Variants in CDH7 observed in about 807,000 individuals in gnomAD.
The protein encoded by CDH7 is cadherin 7, also known as cadherin-7.
In CDH7, 25 loss-of-function variants were observed where a neutral mutation model predicts 71.8. The observed-to-expected ratio is 0.35, with a 90% CI of 0.25 to 0.49. CDH7 has a LOEUF of 0.49. Ranked by LOEUF, CDH7 falls within the 20% of genes least tolerant of loss-of-function variation. The pLI, the probability that CDH7 is intolerant of heterozygous loss-of-function variation, is 0.99. For synonymous variants in CDH7, 381 were observed against 363.8 expected (o/e 1.05, Z -0.54); for missense variants, 862 against 974.6 (o/e 0.88, Z 1.54).
intron 2 of CDH7, among the ~76,000 whole-genome samples, chr18:65,783,693 A>G (rs1344703446): frequency 1.3e-5 from 2 of 152,178 alleles, no homozygotes; most frequent in Admixed American, 6.6e-5. Flanking sequence ...ATGGGGGTTC[A>G]CAAGTGCCTG....
intron 6 of CDH7, 143 bp downstream of exon 6, chr18:65,824,974 T>C: frequency 2.0e-6 from 1 of 504,154 alleles, no homozygotes; most frequent in Non-Finnish European, 3.4e-6. Context: ...CATTTAATTT[T>C]TGGTGTCAGA....
At chr18:65,775,595 T>C (rs1356767013) in intron 2 of CDH7, among the ~76,000 whole-genome samples, 5 of 152,192 alleles carry the variant, frequency 3.3e-5, no homozygotes, top group Non-Finnish European at 7.3e-5. Context: ...TTGGACCACG[T>C]TGAAAGAAGA....
At chr18:65,824,035 C>CT (rs5825650) in intron 5 of CDH7, among the ~76,000 whole-genome samples, 94,991 of 145,456 alleles carry the variant, frequency 0.65, 31,635 homozygotes, top group East Asian at 0.96. Flanking sequence ...TTCTCTTTCA[C>CT]TTTTTTTTTT....
chr18:65,767,612 G>T (rs1018821123), intron 2 of CDH7, among the ~76,000 whole-genome samples: 4 of 152,082 alleles, frequency 2.6e-5, no homozygotes, highest in Middle Eastern at 3.2e-3. Context: ...TTTTTTCTAG[G>T]AATGAGTAGA....
intron 2 of CDH7, among the ~76,000 whole-genome samples, chr18:65,794,004 G>A (rs1294321171): frequency 6.6e-6 from 1 of 152,018 alleles, no homozygotes; most frequent in Admixed American, 6.6e-5. Context: ...GCATTCCCAG[G>A]GCAGAAGGGG....
At chr18:65,810,822 T>C (rs887359016) in intron 3 of CDH7, among the ~76,000 whole-genome samples, 6 of 152,304 alleles carry the variant, frequency 3.9e-5, no homozygotes, top group African/African-American at 1.4e-4. Context: ...AGTGAATTTA[T>C]AGCAACGGTA....
chr18:65,874,650 T>G (rs2144061327), intron 11 of CDH7, among the ~76,000 whole-genome samples: 1 of 152,188 alleles, frequency 6.6e-6, no homozygotes, highest in Admixed American at 6.5e-5. Flanking sequence ...AAATCTGCAC[T>G]TCTACTCCCT....
rs2144076693 is a variant in CDH7 at position 65,882,078 on chromosome 18, A to T, written c.*1184A>T. On this transcript the variant is annotated 3_prime_UTR_variant, in exon 12 of 12. Coordinates refer to ENST00000397968, the MANE Select transcript of CDH7 (RefSeq NM_004361.5). ...ACACAACCTTTCTTGCTGCAAACCT[A>T]TTGAGTAAAATATTGAGTTTTTAAA... 6.6e-6 allele frequency: 1 copy of T among 152,266 alleles called. No individual in the cohort carries two copies. The highest frequency in any genetic ancestry group is 1.5e-5 in the Non-Finnish European group (1 of 67,994). The allele number at this position is 152,266 out of a possible 1,614,324, so 9.4% of individuals were successfully genotyped here.
chr18:65,829,118 G>GTTTTGTTTTGTTTTGTTTTTGT (rs1912239321), intron 6 of CDH7, among the ~76,000 whole-genome samples: 2 of 149,920 alleles, frequency 1.3e-5, no homozygotes, highest in Non-Finnish European at 3.0e-5. Flanking sequence ...TGTCATTTTT[G>GTTTTGTTTTGTTTTGTTTTTGT]TTTTGTTTTG....
rs61611288 is a variant in CDH7, at chr18:65,766,885, T to TAAAAAAA, written c.210+3864_210+3870dup. Among the ~76,000 whole-genome samples, 88 of 88,618 alleles carry TAAAAAAA rather than the reference T, an allele frequency of 9.9e-4. 12 individuals are homozygous for TAAAAAAA. Among genetic ancestry groups the TAAAAAAA allele is most frequent in the Non-Finnish European group, 1.8e-3 (65 of 36,668 alleles). The allele number at this position is 88,618 out of a possible 152,430, so 58.1% of individuals were successfully genotyped here. A position where few individuals can be genotyped will look rare whatever the true frequency, so the allele number is the denominator to read the frequency against. On this transcript the variant is annotated intron_variant, in intron 2 of 11. Transcript: ENST00000397968. The stretch of plus-strand genomic sequence containing the variant: ...CTTAACGTCCTGTAACTGTCTGACG[T>TAAAAAAA]AAAAAAAAAAAAAAAAAAAAAAAAA...
chr18:65,797,090 T>C (rs1273521517), intron 2 of CDH7, among the ~76,000 whole-genome samples: 1 of 152,046 alleles, frequency 6.6e-6, no homozygotes, highest in Non-Finnish European at 1.5e-5. Flanking sequence ...CTCCAGGTGG[T>C]GTTAGTGGTG....
chr18:65,863,282 C>T (rs534565302), intron 11 of CDH7: 67 of 232,602 alleles, frequency 2.9e-4, no homozygotes, highest in African/African-American at 1.5e-3. Flanking sequence ...AGGTGATCCA[C>T]CCACCTTGGC....
intron 2 of CDH7, among the ~76,000 whole-genome samples, chr18:65,767,288 G>T (rs922205474): frequency 1.3e-5 from 2 of 152,062 alleles, no homozygotes; most frequent in Admixed American, 6.6e-5. Context: ...CTCTCACCAA[G>T]AAATTATCTA....
chr18:65,813,622 G>A (rs960696911), intron 3 of CDH7, among the ~76,000 whole-genome samples: 1 of 151,840 alleles, frequency 6.6e-6, no homozygotes, highest in Non-Finnish European at 1.5e-5. Context: ...AAAGGGGCTT[G>A]TTCCATATTT....
At chr18:65,867,520 G>A (rs955640843) in intron 11 of CDH7, among the ~76,000 whole-genome samples, 3 of 151,970 alleles carry the variant, frequency 2.0e-5, no homozygotes, top group Non-Finnish European at 4.4e-5. Context: ...TTATTCAGTA[G>A]ATTTTTTTAA....
intron 7 of CDH7, among the ~76,000 whole-genome samples, chr18:65,852,730 G>C (rs1238860460): frequency 6.6e-6 from 1 of 152,070 alleles, no homozygotes; most frequent in Non-Finnish European, 1.5e-5. Context: ...GGGACATATG[G>C]CTGCGTCTAA....
chr18:65,857,813 T>G lies in CDH7; in HGVS notation c.1236-3T>G, dbSNP rs1372483378. 2 of 1,611,600 alleles carry G rather than the reference T, an allele frequency of 1.2e-6. No individual in the cohort carries two copies. Among genetic ancestry groups the G allele is most frequent in the South Asian group, 1.1e-5 (1 of 90,568 alleles). ...GCTTTTCTTTTCTTCAATGTTCAAT[T>G]AGGTACTCAATTGACAGAAACACAG... On this transcript the variant is annotated splice_polypyrimidine_tract_variant and splice_region_variant and intron_variant, in intron 7 of 11. Coordinates refer to ENST00000397968, the MANE Select transcript of CDH7 (RefSeq NM_004361.5).
intron 6 of CDH7, among the ~76,000 whole-genome samples, chr18:65,838,209 C>A (rs1026727864): frequency 2.0e-5 from 3 of 152,086 alleles, no homozygotes; most frequent in Non-Finnish European, 4.4e-5. Context: ...CATAAGCCAC[C>A]ATGCCCGACC....
chr18:65,825,741 T>C (rs1912106658), intron 6 of CDH7, among the ~76,000 whole-genome samples: 1 of 151,890 alleles, frequency 6.6e-6, no homozygotes, highest in Non-Finnish European at 1.5e-5. Flanking sequence ...AACATATGTT[T>C]GATTTCAGGC....
Sources: allele counts gnomAD v4.1 joint callset (sites outside exome capture counted in the v4.1 genomes callset), GRCh38; gene constraint gnomAD v4.1.1; transcripts MANE v1.5; gene names NCBI Gene and HGNC (gene_info 2026-07-23, HGNC 2026-07-21).